Variants in TNRC6B observed in about 807,000 individuals in gnomAD.
TNRC6B encodes trinucleotide repeat-containing gene 6B protein.
A neutral mutation model predicts 203.6 loss-of-function variants in TNRC6B; 52 were observed. The ratio of observed to expected loss-of-function variants is 0.26; its 90% CI spans 0.20 to 0.32. The LOEUF is 0.32. Ranked by LOEUF, TNRC6B falls within the 10% of genes least tolerant of loss-of-function variation. The pLI, the probability that TNRC6B is intolerant of heterozygous loss-of-function variation, is 1.00. For missense variants in TNRC6B, 1,923 were observed against 2,286.2 expected, an observed-to-expected ratio of 0.84 and a Z score of 3.24; for synonymous variants, 838 against 845.7, an observed-to-expected ratio of 0.99 and a Z score of 0.16.
intron 19 of TNRC6B, among the ~76,000 whole-genome samples, chr22:40,314,715 A>T (rs185470974): frequency 6.6e-6 from 1 of 152,316 alleles, no homozygotes; most frequent in East Asian, 1.9e-4. Flanking sequence ...TCTGAGCTTG[A>T]GGTTCTCAGG....
At chr22:40,132,860 C>T (rs2068560008) in intron 3 of TNRC6B, among the ~76,000 whole-genome samples, 1 of 141,364 alleles carries the variant, frequency 7.1e-6, no homozygotes, top group South Asian at 2.3e-4. Context: ...AGGAGAATGG[C>T]GTGAACCTGG....
intron 1 of TNRC6B, among the ~76,000 whole-genome samples, chr22:40,073,877 G>T (rs2067978457): frequency 6.6e-6 from 1 of 152,100 alleles, no homozygotes; most frequent in African/African-American, 2.4e-5. Context: ...GGCCAACATA[G>T]CGAAACCCCA....
chr22:40,273,426 T>C lies in TNRC6B; in HGVS notation c.2967T>C (p.Asn989=). Residue 989 remains asparagine, a splice_region_variant and synonymous_variant, in exon 7 of 23, where the codon AAT becomes AAC. Coordinates refer to ENST00000454349, the MANE Select transcript of TNRC6B (RefSeq NM_001162501.2). The part of the protein sequence containing the change: ...PANAPNAMKP[N]SKSMQDGWGE... ...AGTTAATTCATTCTTTCCTTAAAGA[T>C]TCCAAATCTATGCAAGACGGCTGGG... 6.2e-7 allele frequency: 1 copy of C among 1,600,834 alleles called. No individual in the cohort carries two copies. The highest frequency in any genetic ancestry group is 8.5e-7 in the Non-Finnish European group (1 of 1,174,630).
At chr22:40,183,726 ACT>A (rs1180923875) in intron 1 of TNRC6B, among the ~76,000 whole-genome samples, 3 of 151,010 alleles carry the variant, frequency 2.0e-5, no homozygotes, top group African/African-American at 7.3e-5. Flanking sequence ...AGATGGAGTC[ACT>A]CTGTCGCCCG....
At chr22:40,230,512 G>A (rs1467134612) in intron 1 of TNRC6B, among the ~76,000 whole-genome samples, 1 of 151,780 alleles carries the variant, frequency 6.6e-6, no homozygotes, top group East Asian at 1.9e-4. Context: ...GACTGATCTC[G>A]AACTCCTGAC....
chr22:40,274,697 A>G (rs1404256785), intron 7 of TNRC6B, among the ~76,000 whole-genome samples: 2 of 152,206 alleles, frequency 1.3e-5, no homozygotes, highest in Non-Finnish European at 2.9e-5. Flanking sequence ...CTGGGATTAC[A>G]GGCGTGAGCC....
chr22:40,177,404 T>G (rs1470908214), upstream of TNRC6B, among the ~76,000 whole-genome samples: 1 of 152,246 alleles, frequency 6.6e-6, no homozygotes, highest in Non-Finnish European at 1.5e-5. Context: ...GATAAGTCAC[T>G]TAACCTTTCT....
At chr22:40,312,066 C>G (rs1009351518) in intron 17 of TNRC6B, among the ~76,000 whole-genome samples, 1 of 152,192 alleles carries the variant, frequency 6.6e-6, no homozygotes, top group Non-Finnish European at 1.5e-5. Flanking sequence ...GTAGCAGTAT[C>G]ATTTGTATTA....
intron 1 of TNRC6B, among the ~76,000 whole-genome samples, chr22:40,075,156 A>ATTTTTTTTTTTTTTT (rs58240994): frequency 2.2e-4 from 8 of 35,558 alleles, no homozygotes; most frequent in Admixed American, 9.7e-4. Flanking sequence ...ATATATATAT[A>ATTTTTTTTTTTTTTT]TTTTTTTTTT....
At chr22:40,131,917 T>TA (rs1444465029) in intron 3 of TNRC6B, among the ~76,000 whole-genome samples, 4 of 152,262 alleles carry the variant, frequency 2.6e-5, no homozygotes, top group Non-Finnish European at 4.4e-5. Context: ...GAATATTTCT[T>TA]ACATTTTTCC....
At position 40,333,964 on chromosome 22, in the gene TNRC6B, C is replaced by A. The variant is rs1162441469; in HGVS notation, c.*10723C>A. 6.6e-6 allele frequency: 1 copy of A among 152,618 alleles called. No individual in the cohort carries two copies. The highest frequency in any genetic ancestry group is 1.5e-5 in the Non-Finnish European group (1 of 68,052). The allele number at this position is 152,618 out of a possible 1,614,324, so 9.5% of individuals were successfully genotyped here. On this transcript the variant is annotated 3_prime_UTR_variant, in exon 23 of 23. Transcript: ENST00000454349. Reference sequence around the variant, plus strand: ...CCCTTTTCAGTTGGATCTCACTGATCTTGTATAGTGACGACTTCCTTTGAA... The same window carrying A: ...CCCTTTTCAGTTGGATCTCACTGATATTGTATAGTGACGACTTCCTTTGAA...
At position 40,296,730 on chromosome 22, in the gene TNRC6B, C is replaced by T. The variant is rs534967667; in HGVS notation, c.3709-3725C>T. On this transcript the variant is annotated intron_variant, in intron 12 of 22. Transcript: ENST00000454349. ...GCAACCTCCGCCACCTGGGTTCAAG[C>T]GATTCTCGTGCCTCAGCTTCCTGAG... 2.8e-4 allele frequency among the ~76,000 whole-genome samples: 43 copies of T among 151,764 alleles called. 2 individuals carry two copies. In the South Asian group the frequency reaches 9.0e-3, roughly 32 times the overall value.
intron 16 of TNRC6B, among the ~76,000 whole-genome samples, chr22:40,308,960 G>A (rs1047569298): frequency 4.6e-5 from 7 of 152,210 alleles, no homozygotes; most frequent in South Asian, 2.1e-4. Flanking sequence ...TTTGTTTTGC[G>A]GAGCAAGGGA....
At chr22:40,251,241 T>C (rs1446788711) in intron 3 of TNRC6B, 41 bp downstream of exon 3, 1 of 1,476,778 alleles carries the variant, frequency 6.8e-7, no homozygotes, top group East Asian at 2.5e-5. Flanking sequence ...TAGAACCTTT[T>C]GTGTTTAGCT....
chr22:40,297,766 G>A (rs2070963667), intron 12 of TNRC6B, among the ~76,000 whole-genome samples: 2 of 151,870 alleles, frequency 1.3e-5, no homozygotes, highest in African/African-American at 4.8e-5. Context: ...AGCTTGCAGT[G>A]AGGCGAGATC....
At chr22:40,278,146 CATTG>C (rs943164573) in intron 9 of TNRC6B, 102 bp downstream of exon 9, 36 of 888,688 alleles carry the variant, frequency 4.1e-5, no homozygotes, top group African/African-American at 3.3e-4. Flanking sequence ...GTTCAGTAGA[CATTG>C]ATTGAGCACT....
intron 1 of TNRC6B, among the ~76,000 whole-genome samples, chr22:40,110,602 G>A (rs1337196260): frequency 6.6e-6 from 1 of 152,234 alleles, no homozygotes; most frequent in African/African-American, 2.4e-5. Context: ...AGTTGAGCAA[G>A]CTGGATTAAT....
At chr22:40,260,335 GA>G (rs1281708755) in intron 3 of TNRC6B, among the ~76,000 whole-genome samples, 3 of 152,234 alleles carry the variant, frequency 2.0e-5, no homozygotes, top group African/African-American at 7.2e-5. Flanking sequence ...TCTAGGCCTG[GA>G]GTTTCTTGTA....
chr22:40,112,479 C>T (rs1251644603), intron 1 of TNRC6B, among the ~76,000 whole-genome samples: 1 of 152,156 alleles, frequency 6.6e-6, no homozygotes, highest in Non-Finnish European at 1.5e-5. Flanking sequence ...GTTGCAGACC[C>T]AAGGGAACAG....
Sources: allele counts gnomAD v4.1 joint callset (sites outside exome capture counted in the v4.1 genomes callset), GRCh38; gene constraint gnomAD v4.1.1; transcripts MANE v1.5; gene names NCBI Gene and HGNC (gene_info 2026-07-23, HGNC 2026-07-21).